Variants in HDX observed in about 807,000 individuals in gnomAD.
The protein encoded by HDX is chromosome X open reading frame 43.
A neutral mutation model predicts 45.2 loss-of-function variants in HDX; 19 were observed. The observed-to-expected ratio is 0.42, with a 90% confidence interval of 0.29 to 0.62. HDX has a LOEUF of 0.62. Ranked by LOEUF, HDX falls within the 20% of genes least tolerant of loss-of-function variation. The pLI is 0.20. For missense variants in HDX, 532 were observed against 493.9 expected, an observed-to-expected ratio of 1.08 and a Z score of -0.73; for synonymous variants, 188 against 172.8, an observed-to-expected ratio of 1.09 and a Z score of -0.69.
In HDX at chrX:84,469,349, T is replaced by G; in HGVS notation, c.374A>C (p.His125Pro). 1 of 1,211,100 alleles carries G rather than the reference T, an allele frequency of 8.3e-7. No homozygotes were observed. The highest frequency in any genetic ancestry group is 1.1e-6 in the Non-Finnish European group (1 of 895,134). Reference sequence around the variant, plus strand: ...TGCTTCTGTAATTTGTGTGTCTGTATGTTTGTTTGTTCCTTGCCTACTTGA... The same window carrying G: ...TGCTTCTGTAATTTGTGTGTCTGTAGGTTTGTTTGTTCCTTGCCTACTTGA... ...SSSSRQGTNK[H>P]TDTQITEAHK... is the part of the protein sequence containing the mutation. The change falls in exon 4 of 11, where the codon CAT becomes CCT. Residue 125 changes from histidine to proline, a missense_variant. Around this residue, in one of 3 missense-constraint regions of HDX, gnomAD observed 376 missense variants for 343.7 expected, o/e 1.09. Transcript: ENST00000373177.
At chrX:84,439,635 G>T (rs1050464422) in intron 5 of HDX, among the ~76,000 whole-genome samples, 1 of 111,217 alleles carries the variant, frequency 9.0e-6, no homozygotes, top group Non-Finnish European at 1.9e-5. Flanking sequence ...AGTTATTCCA[G>T]TGTCATTTAT....
chrX:84,338,271 C>T (rs916143116), intron 7 of HDX, among the ~76,000 whole-genome samples: 3 of 110,515 alleles, frequency 2.7e-5, no homozygotes, highest in African/African-American at 9.9e-5. Context: ...AATTTTGATG[C>T]AAAGTCCACT....
chrX:84,338,709 A>G lies in HDX; in HGVS notation c.1661-1829T>C, dbSNP rs148567803. 2.7e-3 allele frequency among the ~76,000 whole-genome samples: 293 copies of G among 110,165 alleles called. 1 individual carries two copies. The highest frequency in any genetic ancestry group is 9.1e-3 in the African/African-American group (276 of 30,281). ...TTTGCCACAACATGGATAGACCCTG[A>G]TATGGTTTATGTCTGTGTCCCCTCC... On this transcript the variant is annotated intron_variant, in intron 7 of 10. Transcript: ENST00000373177.
At position 84,342,130 on chromosome X, in the gene HDX, A is replaced by G. The variant is rs747907348; in HGVS notation, c.1660+2120T>C. ...CCATATTTCTTTTTATGTCTTAAGCACTCATCTGAGTTTCAGACTCATATC... is the reference window on the plus strand; with the variant it reads ...CCATATTTCTTTTTATGTCTTAAGCGCTCATCTGAGTTTCAGACTCATATC... On this transcript the variant is annotated intron_variant, in intron 7 of 10. Transcript: ENST00000373177. 4.6e-3 allele frequency among the ~76,000 whole-genome samples: 508 copies of G among 111,085 alleles called. 1 individual carries two copies. The highest frequency in any genetic ancestry group is 0.015 in the African/African-American group (468 of 30,638).
At chrX:84,457,282 A>T (rs2040133043) in intron 4 of HDX, among the ~76,000 whole-genome samples, 2 of 111,940 alleles carry the variant, frequency 1.8e-5, no homozygotes, top group African/African-American at 3.2e-5. Context: ...CGATTTTTTA[A>T]AAAATCACAA....
chrX:84,409,428 G>A (rs2038927109), intron 5 of HDX, among the ~76,000 whole-genome samples: 1 of 110,880 alleles, frequency 9.0e-6, no homozygotes, highest in African/African-American at 3.3e-5. Context: ...GCACATGTAT[G>A]TTAATTGCGG....
rs753246033 is a variant in HDX, at chrX:84,475,241, C to T, written c.147+10G>A. ...AGCTTTAAATTTGAGTGTAAGACCT[C>T]AATACTTACCCTGACTACACTGAAG... On this transcript the variant is annotated intron_variant, in intron 3 of 10. Transcript: ENST00000373177. The T allele has an allele frequency of 5.1e-6, 6 of 1,185,625 alleles. No homozygotes were observed. Among genetic ancestry groups the T allele is most frequent in the Admixed American group, 4.8e-5 (2 of 41,829 alleles).
intron 3 of HDX, among the ~76,000 whole-genome samples, chrX:84,474,451 T>C (rs1956272346): frequency 8.9e-6 from 1 of 111,960 alleles, no homozygotes; most frequent in Non-Finnish European, 1.9e-5. Context: ...TTTAGGGTCT[T>C]TGAAGGTACA....
chrX:84,472,117 C>A (rs1302326185), intron 3 of HDX, among the ~76,000 whole-genome samples: 1 of 107,441 alleles, frequency 9.3e-6, no homozygotes, highest in Non-Finnish European at 1.9e-5. Context: ...AAAAAAAAAA[C>A]ACACAACGTA....
At chrX:84,430,253 A>G (rs1181340838) in intron 5 of HDX, among the ~76,000 whole-genome samples, 2 of 110,937 alleles carry the variant, frequency 1.8e-5, no homozygotes, top group Non-Finnish European at 3.8e-5. Flanking sequence ...TTCAAATATG[A>G]GTGAGAACAT....
At chrX:84,324,010 T>C (rs2036656218) in intron 10 of HDX, among the ~76,000 whole-genome samples, 1 of 112,524 alleles carries the variant, frequency 8.9e-6, no homozygotes, top group South Asian at 3.6e-4. Context: ...GCAATTGATC[T>C]GGCTAGGAAC....
At chrX:84,404,907 A>G (rs1320213898) in intron 5 of HDX, among the ~76,000 whole-genome samples, 4 of 111,295 alleles carry the variant, frequency 3.6e-5, no homozygotes, top group Non-Finnish European at 7.6e-5. Context: ...AGAATGAAGC[A>G]CACAGTTTTT....
chrX:84,469,282 A>G lies in HDX; in HGVS notation c.441T>C (p.Thr147=), dbSNP rs148733500. The change falls in exon 4 of 11, where the codon ACT becomes ACC. Residue 147 remains threonine, a synonymous_variant. Coordinates refer to ENST00000373177, the MANE Select transcript of HDX (RefSeq NM_001177479.2). ...PIQKTATKND[T]EFQLHIPVQR... ...GGACAGGAATGTGTAACTGAAACTC[A>G]GTATCATTTTTAGTGGCTGTTTTCT... is the stretch of plus-strand genomic sequence containing the variant. The G allele has an allele frequency of 1.2e-5, 15 of 1,208,699 alleles. No individual in the cohort carries two copies. The highest frequency in any genetic ancestry group is 1.0e-4 in the African/African-American group (6 of 57,282).
intron 5 of HDX, among the ~76,000 whole-genome samples, chrX:84,400,470 A>T (rs997345506): frequency 1.7e-4 from 19 of 109,349 alleles, no homozygotes; most frequent in African/African-American, 5.6e-4. Flanking sequence ...AAAAAAGAAT[A>T]AAATACCTAG....
chrX:84,423,273 A>G (rs1025306721), intron 5 of HDX, among the ~76,000 whole-genome samples: 2 of 110,218 alleles, frequency 1.8e-5, no homozygotes, highest in African/African-American at 6.6e-5. Context: ...GTGAAAAAAC[A>G]AACAAACTAA....
chrX:84,469,596 A>T, intron 3 of HDX, 21 bp from the exon 4 acceptor site: 1 of 1,113,761 alleles, frequency 9.0e-7, no homozygotes, highest in Non-Finnish European at 1.2e-6. Flanking sequence ...AAAACATGGT[A>T]TTATGAAAAA....
At chrX:84,474,836 C>T (rs776440063) in intron 3 of HDX, among the ~76,000 whole-genome samples, 1 of 112,048 alleles carries the variant, frequency 8.9e-6, no homozygotes, top group Non-Finnish European at 1.9e-5. Context: ...ATTTATAAAG[C>T]AGACCAAATG....
At chrX:84,373,690 CT>C (rs2037959877) in intron 5 of HDX, among the ~76,000 whole-genome samples, 1 of 110,968 alleles carries the variant, frequency 9.0e-6, no homozygotes, top group Non-Finnish European at 1.9e-5. Flanking sequence ...CAGAAAAGGC[CT>C]TTGACAAAAT....
At chrX:84,427,929 C>T (rs1487159596) in intron 5 of HDX, among the ~76,000 whole-genome samples, 1 of 110,846 alleles carries the variant, frequency 9.0e-6, no homozygotes, top group Non-Finnish European at 1.9e-5. Flanking sequence ...GGTTCCAATT[C>T]TTCCACATCC....
Sources: gnomAD v4.1 joint callset for allele counts (sites outside exome capture counted in the v4.1 genomes callset) on GRCh38, gnomAD v4.1.1 for gene constraint, gnomAD v4.1.1 regional missense constraint, MANE v1.5 for transcripts, NCBI Gene and HGNC (gene_info 2026-07-23, HGNC 2026-07-21) for gene names.